The following ENOX1 variants were observed in gnomAD, a reference collection of about 807,000 sequenced individuals.
ENOX1 encodes the protein ecto-NOX disulfide-thiol exchanger 1.
In ENOX1, 42 loss-of-function variants were observed where a neutral mutation model predicts 82.5. That is an observed-to-expected ratio of 0.51 (90% CI 0.40 to 0.66). The LOEUF (loss-of-function observed/expected upper bound fraction) is 0.66. Among genes scored for constraint, ENOX1 ranks in the 30% least tolerant of loss-of-function variants. The probability of loss-of-function intolerance (pLI) is 0.00; values close to 1 mark genes in which losing one functional copy is unlikely to be tolerated. For missense variants in ENOX1, 608 were observed against 811.6 expected (o/e 0.75, Z 3.05); for synonymous variants, 271 against 282.2 (o/e 0.96, Z 0.40).
chr13:43,367,804 AG>A (rs1414085058), intron 5 of ENOX1, among the ~76,000 whole-genome samples: 1 of 152,090 alleles, frequency 6.6e-6, no homozygotes, highest in Non-Finnish European at 1.5e-5. Flanking sequence ...ACAGCTGACC[AG>A]GTTCTTGAAA....
chr13:43,219,083 A>G lies in ENOX1; in HGVS notation c.1801-4962T>C, dbSNP rs147906434. On this transcript the variant is annotated intron_variant, in intron 16 of 16. Coordinates refer to ENST00000690772, the MANE Select transcript of ENOX1 (RefSeq NM_001347969.2). ...GTTTACCCCTTTCCTCATCTCCTGC[A>G]CGATTTTCTTCCCTGAATCACTTCT... Among the ~76,000 whole-genome samples, 7 of 152,252 alleles carry G rather than the reference A, an allele frequency of 4.6e-5. No homozygotes were observed. In the East Asian group the frequency reaches 1.4e-3, roughly 29 times the overall value.
At chr13:43,449,352 C>CA (rs1483231077) in intron 3 of ENOX1, among the ~76,000 whole-genome samples, 1 of 152,174 alleles carries the variant, frequency 6.6e-6, no homozygotes, top group African/African-American at 2.4e-5. Flanking sequence ...ATGCAGGCTA[C>CA]AAGTCAAATT....
chr13:43,611,853 C>T (rs953746133), intron 2 of ENOX1, among the ~76,000 whole-genome samples: 1 of 152,182 alleles, frequency 6.6e-6, no homozygotes, highest in African/African-American at 2.4e-5. Flanking sequence ...TGGTACCTTG[C>T]TCTTTTCTAT....
chr13:43,451,342 T>C (rs2056955122), intron 3 of ENOX1, among the ~76,000 whole-genome samples: 1 of 152,192 alleles, frequency 6.6e-6, no homozygotes, highest in Admixed American at 6.5e-5. Flanking sequence ...AGGTAGTAGA[T>C]ATAAATGTAT....
chr13:43,531,410 A>G (rs2078207224), intron 2 of ENOX1, among the ~76,000 whole-genome samples: 1 of 151,702 alleles, frequency 6.6e-6, no homozygotes, highest in Non-Finnish European at 1.5e-5. Flanking sequence ...TGATCATTAA[A>G]AAGTCAGGAA....
At chr13:43,269,407 A>G (rs2153481223) in intron 13 of ENOX1, 63 bp downstream of exon 13, 2 of 1,248,940 alleles carry the variant, frequency 1.6e-6, no homozygotes, top group Non-Finnish European at 2.4e-6. Context: ...GGTGACGCAC[A>G]AGGGAGGTAT....
intron 3 of ENOX1, among the ~76,000 whole-genome samples, chr13:43,446,141 C>T (rs1055984258): frequency 6.6e-6 from 1 of 151,856 alleles, no homozygotes; most frequent in African/African-American, 2.4e-5. Context: ...TGATCATCTT[C>T]CTTCTTGTGG....
intron 3 of ENOX1, among the ~76,000 whole-genome samples, chr13:43,418,566 C>A (rs993116160): frequency 1.3e-5 from 2 of 152,136 alleles, no homozygotes; most frequent in African/African-American, 2.4e-5. Flanking sequence ...TACGATGTAA[C>A]TTAAAAGATG....
At chr13:43,218,664 C>T (rs2041619477) in intron 16 of ENOX1, among the ~76,000 whole-genome samples, 1 of 152,072 alleles carries the variant, frequency 6.6e-6, no homozygotes, top group Non-Finnish European at 1.5e-5. Context: ...AGAAGAATTC[C>T]TTAAAGTTGT....
intron 1 of ENOX1, among the ~76,000 whole-genome samples, chr13:43,776,093 G>C (rs533242597): frequency 1.3e-5 from 2 of 152,308 alleles, no homozygotes; most frequent in Non-Finnish European, 2.9e-5. Context: ...TAAAGTGCCA[G>C]CCAAACCAAA....
intron 2 of ENOX1, among the ~76,000 whole-genome samples, chr13:43,589,082 C>T (rs1463889101): frequency 4.0e-5 from 6 of 151,484 alleles, no homozygotes; most frequent in African/African-American, 1.5e-4. Flanking sequence ...GCTGAGCTCT[C>T]CAGAAAACAA....
chr13:43,632,121 T>G (rs1047818122), intron 2 of ENOX1, among the ~76,000 whole-genome samples: 4 of 152,224 alleles, frequency 2.6e-5, no homozygotes, highest in Admixed American at 6.5e-5. Context: ...TTTTTTCTTC[T>G]GAATTTGAGA....
At chr13:43,447,555 T>C (rs557972741) in intron 3 of ENOX1, among the ~76,000 whole-genome samples, 1 of 152,036 alleles carries the variant, frequency 6.6e-6, no homozygotes, top group African/African-American at 2.4e-5. Flanking sequence ...CTCTGGACCT[T>C]TGGGTTTTAT....
intron 12 of ENOX1, among the ~76,000 whole-genome samples, chr13:43,296,252 T>C (rs2046279989): frequency 6.6e-6 from 1 of 152,208 alleles, no homozygotes; most frequent in Admixed American, 6.5e-5. Flanking sequence ...GTAATTAAGA[T>C]GAGGTCATCC....
At chr13:43,749,089 C>A (rs1243395891) in intron 1 of ENOX1, among the ~76,000 whole-genome samples, 1 of 152,168 alleles carries the variant, frequency 6.6e-6, no homozygotes, top group African/African-American at 2.4e-5. Context: ...GAACATGATA[C>A]TTTGTAATTA....
intron 1 of ENOX1, among the ~76,000 whole-genome samples, chr13:43,713,629 G>T (rs1464617505): frequency 6.6e-6 from 1 of 152,054 alleles, no homozygotes; most frequent in Non-Finnish European, 1.5e-5. Flanking sequence ...ACTTCTTCCT[G>T]GTTTAGTCTT....
At chr13:43,676,135 G>C (rs1290846219) in intron 1 of ENOX1, among the ~76,000 whole-genome samples, 1 of 152,142 alleles carries the variant, frequency 6.6e-6, no homozygotes, top group African/African-American at 2.4e-5. Flanking sequence ...GGAATCACAG[G>C]CCTATCAGTA....
At chr13:43,453,849 GTGT>G (rs1404496389) in intron 3 of ENOX1, among the ~76,000 whole-genome samples, 1 of 152,162 alleles carries the variant, frequency 6.6e-6, no homozygotes, top group Non-Finnish European at 1.5e-5. Context: ...GAAAATATAG[GTGT>G]TGTACAGGAA....
At chr13:43,403,250 G>A (rs2053596961) in intron 5 of ENOX1, among the ~76,000 whole-genome samples, 1 of 152,000 alleles carries the variant, frequency 6.6e-6, no homozygotes, top group Admixed American at 6.6e-5. Flanking sequence ...ATATGTATTT[G>A]TTGTAGTATA....
Sources: gnomAD v4.1 joint callset for allele counts (sites outside exome capture counted in the v4.1 genomes callset) on GRCh38, gnomAD v4.1.1 for gene constraint, MANE v1.5 for transcripts, NCBI Gene and HGNC (gene_info 2026-07-23, HGNC 2026-07-21) for gene names.